Variants in RIT2 observed in about 807,000 individuals in gnomAD.
The protein encoded by RIT2 is GTP-binding protein Rit2.
Under a neutral mutation model 23.7 loss-of-function variants are expected in RIT2, and 24 were observed. The observed-to-expected ratio is 1.01, with a 90% CI of 0.73 to 1.43. The LOEUF (loss-of-function observed/expected upper bound fraction) is 1.43, where lower values mean the gene tolerates loss of function less well. Ranked by LOEUF, RIT2 falls within the 40% of genes most tolerant of loss-of-function variation. The probability of loss-of-function intolerance (pLI) is 0.00; values close to 1 mark genes in which losing one functional copy is unlikely to be tolerated. For missense variants in RIT2, 236 were observed against 266.9 expected (o/e 0.88, Z 0.81); for synonymous variants, 107 against 91.1 (o/e 1.17, Z -0.99).
chr18:42,832,387 A>T (rs1906483335), intron 4 of RIT2, among the ~76,000 whole-genome samples: 1 of 152,240 alleles, frequency 6.6e-6, no homozygotes, highest in South Asian at 2.1e-4. Context: ...TAGGCCAGTC[A>T]CTTGATCCCA....
Position 43,007,788 on chromosome 18 carries a change from G to A in RIT2, c.160+26023C>T, listed in dbSNP as rs193196256. On this transcript the variant is annotated intron_variant, in intron 2 of 4. Coordinates refer to ENST00000326695, the MANE Select transcript of RIT2 (RefSeq NM_002930.4). ...GAATCATCTCATTATTTTGAAAACT[G>A]GTAAATAATGGAAAGACTCAAGCAA... is the stretch of plus-strand genomic sequence containing the variant. Among the ~76,000 whole-genome samples the A allele has an allele frequency of 1.2e-3, 186 of 151,676 alleles. 1 individual carries two copies. The highest frequency in any genetic ancestry group is 3.4e-3 in the Middle Eastern group (1 of 294).
chr18:43,058,186 C>T (rs1419159707), intron 1 of RIT2, among the ~76,000 whole-genome samples: 1 of 151,918 alleles, frequency 6.6e-6, no homozygotes, highest in East Asian at 1.9e-4. Flanking sequence ...TTGATGTGTC[C>T]TTTTTTTATG....
At chr18:42,779,340 CTCTG>C (rs1913751588) in intron 4 of RIT2, among the ~76,000 whole-genome samples, 1 of 152,158 alleles carries the variant, frequency 6.6e-6, no homozygotes, top group Non-Finnish European at 1.5e-5. Context: ...GTCTCCCTTC[CTCTG>C]TTGGAGAGTA....
intron 1 of RIT2, among the ~76,000 whole-genome samples, chr18:43,065,182 T>A (rs1912740876): frequency 1.3e-5 from 2 of 151,436 alleles, no homozygotes; most frequent in Non-Finnish European, 2.9e-5. Flanking sequence ...ATTTCCACAT[T>A]ATAAGCTCTG....
intron 3 of RIT2, among the ~76,000 whole-genome samples, chr18:42,943,595 A>G (rs1909656429): frequency 6.6e-6 from 1 of 152,126 alleles, no homozygotes; most frequent in Non-Finnish European, 1.5e-5. Context: ...AAATGTATGC[A>G]TATCTCACAT....
intron 4 of RIT2, among the ~76,000 whole-genome samples, chr18:42,859,914 T>G (rs1907282164): frequency 6.6e-6 from 1 of 151,772 alleles, no homozygotes; most frequent in African/African-American, 2.4e-5. Context: ...GGACTACAGG[T>G]GCTATGTGAC....
chr18:42,978,301 C>T (rs902745547), intron 2 of RIT2, among the ~76,000 whole-genome samples: 5 of 140,530 alleles, frequency 3.6e-5, no homozygotes, highest in East Asian at 2.0e-4. Flanking sequence ...CTTTTATCCA[C>T]GGCTTTTTTT....
chr18:42,985,168 AT>A, intron 2 of RIT2, among the ~76,000 whole-genome samples: 1 of 152,124 alleles, frequency 6.6e-6, no homozygotes, highest in Non-Finnish European at 1.5e-5. Context: ...TAATGATGCA[AT>A]TTACCATAAT....
At chr18:42,948,145 C>T (rs998825352) in intron 3 of RIT2, among the ~76,000 whole-genome samples, 1 of 152,092 alleles carries the variant, frequency 6.6e-6, no homozygotes, top group African/African-American at 2.4e-5. Flanking sequence ...GAATGAATTA[C>T]ATTTAATCTT....
At chr18:42,981,355 C>T (rs1171084513) in intron 2 of RIT2, among the ~76,000 whole-genome samples, 1 of 152,072 alleles carries the variant, frequency 6.6e-6, no homozygotes, top group Non-Finnish European at 1.5e-5. Context: ...CTTTTATGAT[C>T]AAGGCAATTG....
Position 42,967,536 on chromosome 18 carries a change from A to ATTTT in RIT2, c.234+6534_234+6537dup, listed in dbSNP as rs397940927. Among the ~76,000 whole-genome samples, 30 of 80,750 alleles carry ATTTT rather than the reference A, an allele frequency of 3.7e-4. 1 individual carries two copies. The highest frequency in any genetic ancestry group is 7.4e-3 in the Middle Eastern group (1 of 136). The allele number at this position is 80,750 out of a possible 152,430, so 53.0% of individuals were successfully genotyped here. A position where few individuals can be genotyped will look rare whatever the true frequency, so the allele number is the denominator to read the frequency against. On this transcript the variant is annotated intron_variant, in intron 3 of 4. Coordinates refer to ENST00000326695, the MANE Select transcript of RIT2 (RefSeq NM_002930.4). ...AGACGCCCGCCACCACGCCCGGCTAATTTTTTTTTTTTTTTTTTTTTTTTT... is the reference window on the plus strand; with the variant it reads ...AGACGCCCGCCACCACGCCCGGCTAATTTTTTTTTTTTTTTTTTTTTTTTTTTTT...
intron 3 of RIT2, among the ~76,000 whole-genome samples, chr18:42,952,589 A>G (rs559361021): frequency 6.6e-6 from 1 of 152,192 alleles, no homozygotes; most frequent in South Asian, 2.1e-4. Context: ...GAGGTGATGA[A>G]TATGTTTATG....
At chr18:43,046,893 A>G (rs1337454459) in intron 1 of RIT2, among the ~76,000 whole-genome samples, 1 of 152,188 alleles carries the variant, frequency 6.6e-6, no homozygotes, top group Non-Finnish European at 1.5e-5. Flanking sequence ...GTAGATATCA[A>G]TAAAAATAAT....
chr18:42,887,938 T>C (rs1242794264), intron 4 of RIT2, among the ~76,000 whole-genome samples: 1 of 152,120 alleles, frequency 6.6e-6, no homozygotes, highest in African/African-American at 2.4e-5. Flanking sequence ...ATTCTAACTA[T>C]GTAACATTCT....
At chr18:42,989,537 A>C (rs993349959) in intron 2 of RIT2, among the ~76,000 whole-genome samples, 4 of 152,244 alleles carry the variant, frequency 2.6e-5, no homozygotes, top group Admixed American at 6.5e-5. Flanking sequence ...ATGGAAAAAT[A>C]TTAATGAGAT....
At chr18:43,082,793 C>T (rs1234803830) in intron 1 of RIT2, among the ~76,000 whole-genome samples, 1 of 152,022 alleles carries the variant, frequency 6.6e-6, no homozygotes, top group Admixed American at 6.6e-5. Flanking sequence ...TGGGCAAAAG[C>T]TAGAAGCATT....
intron 3 of RIT2, among the ~76,000 whole-genome samples, chr18:42,949,398 G>A (rs569170349): frequency 5.9e-5 from 9 of 151,994 alleles, no homozygotes; most frequent in Non-Finnish European, 8.8e-5. Context: ...GGAAGACAAA[G>A]GTTTTCAAAT....
chr18:43,085,448 T>C (rs1229937541), intron 1 of RIT2, among the ~76,000 whole-genome samples: 1 of 152,114 alleles, frequency 6.6e-6, no homozygotes, highest in East Asian at 1.9e-4. Flanking sequence ...TACTAAAAAG[T>C]ATTCCCCTAG....
chr18:42,864,077 A>G (rs371405764), intron 4 of RIT2, among the ~76,000 whole-genome samples: 77 of 152,146 alleles, frequency 5.1e-4, no homozygotes, highest in African/African-American at 1.7e-3. Context: ...GATACTGTTA[A>G]ACAGAGTCAA....
Sources: gnomAD v4.1 joint callset for allele counts (sites outside exome capture counted in the v4.1 genomes callset) on GRCh38, gnomAD v4.1.1 for gene constraint, MANE v1.5 for transcripts, NCBI Gene and HGNC (gene_info 2026-07-23, HGNC 2026-07-21) for gene names.